TSHZ2: variants seen among roughly 807,000 people sequenced by gnomAD.
TSHZ2 encodes the protein teashirt zinc finger homeobox 2.
In TSHZ2, 21 loss-of-function variants were observed where a neutral mutation model predicts 74.4. The ratio of observed to expected loss-of-function variants is 0.28; its 90% CI spans 0.20 to 0.41. The LOEUF (loss-of-function observed/expected upper bound fraction) is 0.41. TSHZ2 is among the 10% of genes least tolerant of loss of function. TSHZ2 has a pLI of 1.00. For missense variants in TSHZ2, 1,244 were observed against 1,293.5 expected (o/e 0.96, Z 0.59); for synonymous variants, 540 against 515.3 (o/e 1.05, Z -0.65).
At chr20:53,203,415 A>C (rs892834172) in intron 1 of TSHZ2, among the ~76,000 whole-genome samples, 4 of 151,810 alleles carry the variant, frequency 2.6e-5, no homozygotes, top group Non-Finnish European at 1.5e-5. Flanking sequence ...GGCTGATCTC[A>C]AACTCCTGAC....
intron 2 of TSHZ2, among the ~76,000 whole-genome samples, chr20:53,460,701 G>C (rs1360452191): frequency 1.3e-5 from 2 of 152,210 alleles, no homozygotes; most frequent in East Asian, 1.9e-4. Context: ...GGTCTTTGAT[G>C]ATGGTGATGT....
intron 1 of TSHZ2, among the ~76,000 whole-genome samples, chr20:53,176,432 G>T (rs1988337945): frequency 6.6e-6 from 1 of 152,126 alleles, no homozygotes. Flanking sequence ...CAGCGGGTAG[G>T]TTTCTCAAAG....
intron 2 of TSHZ2, chr20:53,397,623 T>C (rs986570341): frequency 6.6e-6 from 1 of 152,224 alleles, no homozygotes; most frequent in Non-Finnish European, 1.5e-5. Context: ...ATCCCATTAC[T>C]GGGTATATAC....
At chr20:53,216,759 C>T (rs925614497) in intron 1 of TSHZ2, among the ~76,000 whole-genome samples, 2 of 152,200 alleles carry the variant, frequency 1.3e-5, no homozygotes, top group Non-Finnish European at 2.9e-5. Flanking sequence ...TAAATCAATC[C>T]TCTTTCCCCT....
intron 2 of TSHZ2, among the ~76,000 whole-genome samples, chr20:53,358,791 C>T (rs1345698156): frequency 6.6e-6 from 1 of 152,190 alleles, no homozygotes; most frequent in African/African-American, 2.4e-5. Context: ...TTTAAACGGT[C>T]TTGTGCCACT....
intron 2 of TSHZ2, among the ~76,000 whole-genome samples, chr20:53,295,385 A>G (rs1421002339): frequency 3.9e-5 from 6 of 151,926 alleles, no homozygotes; most frequent in Non-Finnish European, 5.9e-5. Context: ...CTCAAGGGGT[A>G]GTAAAGAAAG....
At chr20:53,066,766 A>G (rs1480899953) in intron 1 of TSHZ2, among the ~76,000 whole-genome samples, 1 of 152,182 alleles carries the variant, frequency 6.6e-6, no homozygotes, top group Non-Finnish European at 1.5e-5. Flanking sequence ...TCGGCCTCCC[A>G]AAGTGTTGGG....
At chr20:53,125,619 AC>A (rs372258392) in intron 1 of TSHZ2, among the ~76,000 whole-genome samples, 56 of 151,968 alleles carry the variant, frequency 3.7e-4, no homozygotes, top group Non-Finnish European at 6.9e-4. Flanking sequence ...CTATCAGGCA[AC>A]CCCCCGGTGA....
chr20:53,433,568 GACACACAGACACACAGACAC>G (rs1199548691), intron 2 of TSHZ2, among the ~76,000 whole-genome samples: 1 of 89,014 alleles, frequency 1.1e-5, no homozygotes, highest in Non-Finnish European at 2.3e-5. Flanking sequence ...AACCAACACA[GACACACAGACACACAGACAC>G]ACACACACAC....
intron 1 of TSHZ2, among the ~76,000 whole-genome samples, chr20:53,226,434 G>A (rs545527316): frequency 7.4e-6 from 1 of 135,184 alleles, no homozygotes; most frequent in African/African-American, 2.7e-5. Context: ...GTCGGTGTGT[G>A]TATGTGTGTG....
At chr20:52,995,611 C>CTTTT (rs11469115) in intron 1 of TSHZ2, among the ~76,000 whole-genome samples, 1 of 136,094 alleles carries the variant, frequency 7.3e-6, no homozygotes, top group Non-Finnish European at 1.6e-5. Flanking sequence ...TTTTTCTTTC[C>CTTTT]TTTTTTTTTT....
At chr20:53,407,564 T>C (rs917754672) in intron 2 of TSHZ2, among the ~76,000 whole-genome samples, 1 of 152,186 alleles carries the variant, frequency 6.6e-6, no homozygotes, top group Non-Finnish European at 1.5e-5. Context: ...CCACCTAAGT[T>C]TGCACAGCTT....
intron 1 of TSHZ2, among the ~76,000 whole-genome samples, chr20:53,077,374 G>A (rs1481773776): frequency 6.7e-6 from 1 of 149,292 alleles, no homozygotes; most frequent in Admixed American, 6.7e-5. Flanking sequence ...TTGTGCCACT[G>A]CACTGCAGCC....
In TSHZ2 at chr20:53,306,428, A is replaced by G. The variant is rs191776552; in HGVS notation, c.*8+49857A>G. On this transcript the variant is annotated intron_variant, in intron 2 of 2. Coordinates refer to ENST00000371497, the MANE Select transcript of TSHZ2 (RefSeq NM_173485.6). ...CAGCAGAGAGAGGTGACAGTGCTGG[A>G]GGTGGTGTTTGCTCTAGAATTAGCC... Among the ~76,000 whole-genome samples the G allele has an allele frequency of 2.1e-3, 314 of 152,252 alleles. 2 individuals are homozygous for G. The highest frequency in any genetic ancestry group is 0.014 in the Middle Eastern group (4 of 294).
rs910007463 is a variant in TSHZ2, at chr20:53,488,954, T to C, written c.*1819T>C. 11 of 455,644 alleles carry C rather than the reference T, an allele frequency of 2.4e-5. No individual in the cohort carries two copies. Among genetic ancestry groups the C allele is most frequent in the African/African-American group, 4.0e-5 (2 of 50,036 alleles). The allele number at this position is 455,644 out of a possible 1,614,324, so 28.2% of individuals were successfully genotyped here. On this transcript the variant is annotated 3_prime_UTR_variant, in exon 3 of 3. Transcript: ENST00000371497. The stretch of plus-strand genomic sequence containing the variant: ...ACCTAGATGGGAAAAAATATGGCGC[T>C]TCGGGGAAGGAGGGAAAAAGTAAAT...
intron 1 of TSHZ2, among the ~76,000 whole-genome samples, chr20:53,138,379 T>C (rs1207278397): frequency 1.3e-5 from 2 of 149,262 alleles, no homozygotes; most frequent in African/African-American, 2.5e-5. Flanking sequence ...GCAAGACTCT[T>C]GTCTCAAAAA....
At chr20:53,018,622 G>A (rs1462710359) in intron 1 of TSHZ2, among the ~76,000 whole-genome samples, 1 of 152,200 alleles carries the variant, frequency 6.6e-6, no homozygotes, top group African/African-American at 2.4e-5. Context: ...GGTCACCACT[G>A]CCTTTAAATC....
At chr20:52,975,983 C>A (rs1032105529) in intron 1 of TSHZ2, among the ~76,000 whole-genome samples, 3 of 152,186 alleles carry the variant, frequency 2.0e-5, no homozygotes, top group Non-Finnish European at 2.9e-5. Flanking sequence ...TGATTTCTAG[C>A]TTGATTAATG....
At position 53,255,700 on chromosome 20, in the gene TSHZ2, A is replaced by C. The variant is rs767857329; in HGVS notation, c.2242A>C (p.Arg748=). 1.9e-6 allele frequency: 3 copies of C among 1,599,604 alleles called. No individual in the cohort carries two copies. In the African/African-American group the frequency reaches 4.0e-5, roughly 21 times the overall value. ...GCCGGTCTTGAGTCCTGCCTCCACA[A>C]GGTCAGCCAGCGTGTCCAGGCGCTA... ...DKPVLSPAST[R]SASVSRRYLF... The change falls in exon 2 of 3, where the codon AGG becomes CGG. Residue 748 remains arginine, a synonymous_variant. Coordinates refer to ENST00000371497, the MANE Select transcript of TSHZ2 (RefSeq NM_173485.6). The surrounding 1 kb of genome is among the most constrained non-coding windows in gnomAD (Gnocchi z 4.1).
Sources: gnomAD v4.1 joint callset for allele counts (sites outside exome capture counted in the v4.1 genomes callset) on GRCh38, gnomAD v4.1.1 for gene constraint, Gnocchi (gnomAD v3.1) non-coding constraint, MANE v1.5 for transcripts, NCBI Gene and HGNC (gene_info 2026-07-23, HGNC 2026-07-21) for gene names.